Variants in CD99L2 observed in about 807,000 individuals in gnomAD.
CD99L2 encodes the protein CD99 antigen-like protein 2.
A neutral mutation model predicts 27.3 loss-of-function variants in CD99L2; 24 were observed. The ratio of observed to expected loss-of-function variants is 0.88; its 90% CI spans 0.64 to 1.24. The LOEUF (loss-of-function observed/expected upper bound fraction) is 1.24. Ranked by LOEUF, CD99L2 falls within the 50% of genes most tolerant of loss-of-function variation. The pLI, the probability that CD99L2 is intolerant of heterozygous loss-of-function variation, is 0.00. For missense variants in CD99L2, 255 were observed against 221.6 expected (o/e 1.15, Z -0.96); for synonymous variants, 97 against 87.9 (o/e 1.10, Z -0.58).
At position 150,774,590 on chromosome X, in the gene CD99L2, G is replaced by A. The variant is rs146410786; in HGVS notation, c.655+1584C>T. ...TGAACAGAAAACCCCTGTATTAGGC[G>A]GCTTCTACTTTTTTGCCAAATGCAA... On this transcript the variant is annotated intron_variant, in intron 9 of 10. Coordinates refer to ENST00000370377, the MANE Select transcript of CD99L2 (RefSeq NM_031462.4). Among the ~76,000 whole-genome samples the A allele has an allele frequency of 8.1e-4, 91 of 111,989 alleles. 1 individual carries two copies. In the East Asian group the frequency reaches 0.024, roughly 30 times the overall value.
chrX:150,773,909 C>T (rs1448734313), intron 9 of CD99L2, among the ~76,000 whole-genome samples: 2 of 112,113 alleles, frequency 1.8e-5, no homozygotes, highest in Non-Finnish European at 3.8e-5. Context: ...GTTCAAAGAG[C>T]TCACAACTAC....
intron 7 of CD99L2, among the ~76,000 whole-genome samples, chrX:150,791,112 T>A (rs1159813703): frequency 4.5e-5 from 5 of 111,979 alleles, no homozygotes; most frequent in African/African-American, 1.6e-4. Flanking sequence ...ACTGTATCTA[T>A]CCATGACTTG....
At chrX:150,797,593 G>A (rs2045817064) in intron 4 of CD99L2, among the ~76,000 whole-genome samples, 1 of 112,317 alleles carries the variant, frequency 8.9e-6, no homozygotes, top group Admixed American at 9.4e-5. Context: ...AATTCACATG[G>A]AATTTCAAGG....
At position 150,862,478 on chromosome X, in the gene CD99L2, G is replaced by A. The variant is rs187090245; in HGVS notation, c.68-31185C>T. On this transcript the variant is annotated intron_variant, in intron 1 of 10. Transcript: ENST00000370377. ...GTCTCCAGACACTGGAAAATGCAAG[G>A]AATGGATTCACTCTCAGAGCCTCCA... Among the ~76,000 whole-genome samples the A allele has an allele frequency of 8.0e-5, 9 of 112,073 alleles. No individual in the cohort carries two copies. The East Asian group carries it at 2.5e-3, about 31-fold the overall frequency.
At chrX:150,802,873 G>A (rs2045936530) in intron 4 of CD99L2, among the ~76,000 whole-genome samples, 1 of 76,989 alleles carries the variant, frequency 1.3e-5, no homozygotes, top group South Asian at 7.7e-4. Context: ...GAGCCACCGT[G>A]CCCAGCCTTT....
At chrX:150,784,448 TC>T (rs2045563322) in intron 7 of CD99L2, among the ~76,000 whole-genome samples, 1 of 111,575 alleles carries the variant, frequency 9.0e-6, no homozygotes, top group Non-Finnish European at 1.9e-5. Context: ...GTTACTTCTC[TC>T]CCTTTTCCCT....
intron 4 of CD99L2, among the ~76,000 whole-genome samples, chrX:150,807,665 G>C (rs1446312768): frequency 8.9e-6 from 1 of 112,470 alleles, no homozygotes; most frequent in Non-Finnish European, 1.9e-5. Flanking sequence ...CAGTGGTGTA[G>C]ATTATAAGAA....
intron 2 of CD99L2, among the ~76,000 whole-genome samples, chrX:150,827,495 A>T (rs1268449751): frequency 8.9e-6 from 1 of 111,917 alleles, no homozygotes; most frequent in Non-Finnish European, 1.9e-5. Context: ...GATTGGAGGT[A>T]TGATATGCTG....
chrX:150,865,329 C>G (rs2124329623), intron 1 of CD99L2, among the ~76,000 whole-genome samples: 1 of 110,173 alleles, frequency 9.1e-6, no homozygotes, highest in Admixed American at 9.8e-5. Flanking sequence ...GAGATTCCAT[C>G]TCTATAAAAA....
intron 3 of CD99L2, among the ~76,000 whole-genome samples, chrX:150,815,586 A>C (rs2046141367): frequency 8.9e-6 from 1 of 112,197 alleles, no homozygotes; most frequent in Non-Finnish European, 1.9e-5. Flanking sequence ...AAGTGACAAC[A>C]GGAAAGAGTT....
At chrX:150,803,555 T>C (rs1375508301) in intron 4 of CD99L2, among the ~76,000 whole-genome samples, 1 of 111,953 alleles carries the variant, frequency 8.9e-6, no homozygotes, top group Non-Finnish European at 1.9e-5. Context: ...GTTATAGTAA[T>C]CAGGACTGTG....
At chrX:150,886,756 C>T (rs782751663) in intron 1 of CD99L2, among the ~76,000 whole-genome samples, 10 of 111,885 alleles carry the variant, frequency 8.9e-5, no homozygotes, top group Non-Finnish European at 1.1e-4. Context: ...GCCAAGGATG[C>T]TGCTAAACAT....
intron 7 of CD99L2, among the ~76,000 whole-genome samples, chrX:150,787,511 A>T (rs1466232378): frequency 9.0e-6 from 1 of 111,008 alleles, no homozygotes; most frequent in Non-Finnish European, 1.9e-5. Context: ...TCCATCAATG[A>T]TAGACTGGAT....
At chrX:150,832,868 T>C (rs2046464357) in intron 1 of CD99L2, among the ~76,000 whole-genome samples, 2 of 110,211 alleles carry the variant, frequency 1.8e-5, no homozygotes, top group African/African-American at 6.6e-5. Context: ...GCTAACACGG[T>C]GAAAACCCGT....
chrX:150,824,265 AAGG>A (rs377222708), intron 2 of CD99L2, among the ~76,000 whole-genome samples: 6,573 of 50,585 alleles, frequency 0.13, 1,223 homozygotes, highest in South Asian at 0.17. Flanking sequence ...AGGAAGAAGG[AAGG>A]AGGAGGAGGA....
chrX:150,878,918 A>T (rs2047278043), intron 1 of CD99L2, among the ~76,000 whole-genome samples: 1 of 111,958 alleles, frequency 8.9e-6, no homozygotes, highest in Non-Finnish European at 1.9e-5. Context: ...TCCTGCTACC[A>T]ACTCTAAATA....
At chrX:150,885,526 G>A (rs1432221288) in intron 1 of CD99L2, among the ~76,000 whole-genome samples, 3 of 111,840 alleles carry the variant, frequency 2.7e-5, no homozygotes, top group South Asian at 3.7e-4. Flanking sequence ...AAAAATTATT[G>A]GCATACTGTA....
chrX:150,890,106 T>C (rs1195675756), intron 1 of CD99L2, among the ~76,000 whole-genome samples: 1 of 107,179 alleles, frequency 9.3e-6, no homozygotes, highest in Non-Finnish European at 1.9e-5. Flanking sequence ...TGAGCCGAGA[T>C]CGCACCACTG....
intron 1 of CD99L2, among the ~76,000 whole-genome samples, chrX:150,886,363 G>A (rs188964201): frequency 1.3e-4 from 15 of 112,285 alleles, no homozygotes; most frequent in African/African-American, 4.2e-4. Flanking sequence ...TGACATGGTA[G>A]CCATCATAAC....
Sources: gnomAD v4.1 joint callset for allele counts (sites outside exome capture counted in the v4.1 genomes callset) on GRCh38, gnomAD v4.1.1 for gene constraint, MANE v1.5 for transcripts, NCBI Gene and HGNC (gene_info 2026-07-23, HGNC 2026-07-21) for gene names.